ACSM3: variants seen among roughly 807,000 people sequenced by gnomAD.
The protein encoded by ACSM3 is acyl-CoA synthetase medium chain family member 3.
Under a neutral mutation model 74.1 loss-of-function variants are expected in ACSM3, and 61 were observed. That is an observed-to-expected ratio of 0.82 (90% CI 0.67 to 1.02). ACSM3 has a LOEUF of 1.02. Ranked by LOEUF, ACSM3 falls within the 50% of genes least tolerant of loss-of-function variation. ACSM3 has a pLI of 0.00. For synonymous variants in ACSM3, 213 were observed against 241.5 expected, an observed-to-expected ratio of 0.88 and a Z score of 1.09; for missense variants, 660 against 697.0, an observed-to-expected ratio of 0.95 and a Z score of 0.60.
At chr16:20,684,863 G>T (rs1304726578) in intron 1 of ACSM3, among the ~76,000 whole-genome samples, 1 of 152,226 alleles carries the variant, frequency 6.6e-6, no homozygotes, top group Non-Finnish European at 1.5e-5. Context: ...TTGTGTGTGT[G>T]TGTGTATGAG....
chr16:20,750,892 T>C (rs1481218240), intron 2 of ACSM3, among the ~76,000 whole-genome samples: 2 of 137,686 alleles, frequency 1.5e-5, no homozygotes, highest in African/African-American at 5.2e-5. Flanking sequence ...TTGCCCAGAC[T>C]GGAGTGCAGT....
chr16:20,703,235 G>A (rs1567319580), intron 1 of ACSM3: 1 of 152,180 alleles, frequency 6.6e-6, no homozygotes, highest in Non-Finnish European at 1.5e-5. Flanking sequence ...ATAGTTTGAA[G>A]TCAGGTAGCA....
chr16:20,699,709 T>TG (rs2079708203), intron 1 of ACSM3, among the ~76,000 whole-genome samples: 1 of 152,198 alleles, frequency 6.6e-6, no homozygotes, highest in Non-Finnish European at 1.5e-5. Flanking sequence ...CCTGTGGAAC[T>TG]GCAACATGAA....
chr16:20,685,175 C>G (rs1169594494), intron 1 of ACSM3: 7 of 1,613,782 alleles, frequency 4.3e-6, no homozygotes, highest in Non-Finnish European at 5.9e-6. Flanking sequence ...TCCACCAGGT[C>G]CCTCTTGCAT....
chr16:20,722,287 C>T (rs967919663), intron 1 of ACSM3: 2 of 152,120 alleles, frequency 1.3e-5, no homozygotes, highest in East Asian at 3.9e-4. Flanking sequence ...ATGTTTGTTA[C>T]TTTTATTTGG....
At chr16:20,713,667 A>C (rs2079751339) in intron 1 of ACSM3, among the ~76,000 whole-genome samples, 1 of 152,168 alleles carries the variant, frequency 6.6e-6, no homozygotes, top group Admixed American at 6.6e-5. Flanking sequence ...ACAACTTTGC[A>C]ATATTCTGTA....
chr16:20,711,486 G>T, intron 1 of ACSM3: 1 of 1,338,612 alleles, frequency 7.5e-7, no homozygotes. Context: ...TTGTCTTCAT[G>T]CCAGGAACAA....
chr16:20,770,355 G>T, intron 2 of ACSM3, 102 bp downstream of exon 2: 1 of 1,016,952 alleles, frequency 9.8e-7, no homozygotes. Flanking sequence ...TGCCATGATA[G>T]GGGCAGAGGC....
rs1567368795 is a variant in ACSM3 at position 20,797,054 on chromosome 16, A to G, written c.*82A>G. 2 of 1,532,878 alleles carry G rather than the reference A, an allele frequency of 1.3e-6. No homozygotes were observed. Among genetic ancestry groups the G allele is most frequent in the East Asian group, 2.4e-5 (1 of 42,236 alleles). 95.0% of individuals were successfully genotyped at this position (1,532,878 alleles called of 1,614,324 possible). ...GAAACCACAAGATGATGGAGAGGTC[A>G]TAAAAACTGTGGTAGTATGCTTAGA... is the stretch of plus-strand genomic sequence containing the variant. On this transcript the variant is annotated 3_prime_UTR_variant, in exon 14 of 14. Coordinates refer to ENST00000289416, the MANE Select transcript of ACSM3 (RefSeq NM_005622.4).
At chr16:20,775,735 T>C in intron 2 of ACSM3, 104 bp from the exon 3 acceptor site, 1 of 1,132,366 alleles carries the variant, frequency 8.8e-7, no homozygotes, top group South Asian at 1.3e-5. Context: ...TTCTAACTAA[T>C]GACTTGCGAA....
chr16:20,676,044 A>G (rs2020256642), intron 1 of ACSM3: 1 of 152,260 alleles, frequency 6.6e-6, no homozygotes, highest in African/African-American at 2.4e-5. Flanking sequence ...CCTCCTCCCT[A>G]CATTCCAATC....
intron 2 of ACSM3, among the ~76,000 whole-genome samples, chr16:20,770,958 C>T (rs2152455918): frequency 6.6e-6 from 1 of 152,282 alleles, no homozygotes; most frequent in African/African-American, 2.4e-5. Context: ...TTTCACTCTA[C>T]AGTGCTATAG....
chr16:20,686,462 C>A (rs2079555789), intron 1 of ACSM3, among the ~76,000 whole-genome samples: 1 of 152,028 alleles, frequency 6.6e-6, no homozygotes, highest in African/African-American at 2.4e-5. Context: ...CACACTGGGG[C>A]CAGTCTGACG....
chr16:20,774,239 CTTTT>C (rs71377684), intron 2 of ACSM3, among the ~76,000 whole-genome samples: 7 of 114,002 alleles, frequency 6.1e-5, no homozygotes, highest in African/African-American at 1.7e-4. Context: ...TTTTCTGTGT[CTTTT>C]TTTTTTTTTT....
Position 20,781,736 on chromosome 16 carries a change from T to C in ACSM3, c.968T>C (p.Phe323Ser). ...QTLSKYPITV[F>S]CSAPTVYRML... The stretch of plus-strand genomic sequence containing the variant: ...CTCTCCAAGTACCCCATCACAGTCT[T>C]CTGTTCAGCACCAACTGTATACCGA... The change falls in exon 7 of 14, where the codon TTC (phenylalanine) becomes TCC (serine). Residue 323 changes from phenylalanine (F) to serine (S), a missense_variant. Transcript: ENST00000289416. 6.2e-7 allele frequency: 1 copy of C among 1,613,560 alleles called. No homozygotes were observed. The highest frequency in any genetic ancestry group is 2.2e-5 in the East Asian group (1 of 44,860).
intron 2 of ACSM3, among the ~76,000 whole-genome samples, chr16:20,753,430 C>T (rs554980431): frequency 1.4e-5 from 2 of 145,776 alleles, no homozygotes; most frequent in Non-Finnish European, 3.0e-5. Context: ...CACCACTGCA[C>T]TCCAGCCTGG....
At chr16:20,775,025 T>C (rs1204311895) in intron 2 of ACSM3, among the ~76,000 whole-genome samples, 1 of 152,136 alleles carries the variant, frequency 6.6e-6, no homozygotes, top group East Asian at 1.9e-4. Context: ...GCAGCCTCTC[T>C]TGATGTGCTG....
At chr16:20,734,474 G>T (rs2079852437) in intron 1 of ACSM3, 1 of 152,406 alleles carries the variant, frequency 6.6e-6, no homozygotes, top group African/African-American at 2.4e-5. Flanking sequence ...ATTCTAGTCT[G>T]GTTTACCAAA....
intron 2 of ACSM3, among the ~76,000 whole-genome samples, chr16:20,772,111 G>C (rs142578147): frequency 7.2e-4 from 109 of 152,014 alleles, no homozygotes; most frequent in Non-Finnish European, 1.4e-3. Flanking sequence ...TTTTGCTGTT[G>C]GGTTATTTGC....
Sources: gnomAD v4.1 joint callset for allele counts (sites outside exome capture counted in the v4.1 genomes callset) on GRCh38, gnomAD v4.1.1 for gene constraint, MANE v1.5 for transcripts, NCBI Gene and HGNC (gene_info 2026-07-23, HGNC 2026-07-21) for gene names.